Variants in FOXP1 observed in about 807,000 individuals in gnomAD.
FOXP1 encodes forkhead box P1.
In FOXP1, 15 loss-of-function variants were observed where a neutral mutation model predicts 98.2. That is an observed-to-expected ratio of 0.15 (90% confidence interval 0.10 to 0.24). FOXP1 has a LOEUF of 0.24. FOXP1 is among the 10% of genes least tolerant of loss of function. The probability of loss-of-function intolerance (pLI) is 1.00; values close to 1 mark genes in which losing one functional copy is unlikely to be tolerated. For synonymous variants in FOXP1, 371 were observed against 314.5 expected (o/e 1.18, Z -1.90); for missense variants, 633 against 848.5 (o/e 0.75, Z 3.15).
intron 5 of FOXP1, among the ~76,000 whole-genome samples, chr3:71,255,662 A>G (rs1357933861): frequency 2.0e-5 from 3 of 152,164 alleles, no homozygotes; most frequent in Non-Finnish European, 2.9e-5. Context: ...AACTAATTTG[A>G]CTTGTAAGTC....
At chr3:71,212,032 G>A (rs4677597) in intron 5 of FOXP1, among the ~76,000 whole-genome samples, 48,555 of 152,018 alleles carry the variant, frequency 0.32, 8,908 homozygotes, top group Non-Finnish European at 0.4. Flanking sequence ...AGAACCTGCT[G>A]TTTCTCAGAG....
intron 5 of FOXP1, among the ~76,000 whole-genome samples, chr3:71,219,083 T>G (rs1380830686): frequency 6.6e-6 from 1 of 152,188 alleles, no homozygotes; most frequent in African/African-American, 2.4e-5. Context: ...CTAATAATCT[T>G]CCTTCTCTTT....
chr3:71,270,122 A>G (rs964418316), intron 5 of FOXP1, among the ~76,000 whole-genome samples: 14 of 152,198 alleles, frequency 9.2e-5, no homozygotes, highest in Non-Finnish European at 1.3e-4. Flanking sequence ...TGGCAGAAGC[A>G]TTTAACTTCC....
intron 3 of FOXP1, among the ~76,000 whole-genome samples, chr3:71,421,503 G>A (rs1402153378): frequency 2.0e-5 from 3 of 152,078 alleles, no homozygotes; most frequent in African/African-American, 7.2e-5. Context: ...TATATAATTT[G>A]ACATTTTTTT....
chr3:71,581,524 C>T (rs2048170215), intron 2 of FOXP1, 25 bp downstream of exon 2: 2 of 985,448 alleles, frequency 2.0e-6, no homozygotes, highest in South Asian at 4.7e-5. Flanking sequence ...CCCTGGACCC[C>T]GCGCCCGCGG....
At chr3:71,225,974 T>C (rs1393116523) in intron 5 of FOXP1, among the ~76,000 whole-genome samples, 1 of 152,168 alleles carries the variant, frequency 6.6e-6, no homozygotes, top group East Asian at 1.9e-4. Context: ...CAAAAAAAAC[T>C]TTCACTTTCT....
chr3:71,031,837 T>C (rs1286525964), intron 11 of FOXP1, among the ~76,000 whole-genome samples: 2 of 152,240 alleles, frequency 1.3e-5, no homozygotes, highest in African/African-American at 4.8e-5. Flanking sequence ...GGAGTCCTTA[T>C]GTTAACACAC....
intron 3 of FOXP1, among the ~76,000 whole-genome samples, chr3:71,397,073 T>TATATATATGTGTATATATATATAC (rs1553871629): frequency 2.3e-5 from 1 of 42,724 alleles, no homozygotes; most frequent in African/African-American, 9.1e-5. Flanking sequence ...TATATATATA[T>TATATATATGTGTATATATATATAC]ACATATATAT....
intron 3 of FOXP1, among the ~76,000 whole-genome samples, chr3:71,491,614 T>C (rs2091066148): frequency 6.6e-6 from 1 of 150,808 alleles, no homozygotes; most frequent in Admixed American, 6.6e-5. Context: ...GGAGGCTGGA[T>C]TTTTTTTTTC....
At position 71,433,620 on chromosome 3, in the gene FOXP1, CAG is replaced by C. The variant is rs2084935141; in HGVS notation, c.-168+59804_-168+59805del. ...ATTAAAAACGTGCATGCTATACAAACAGAATATAAAACAGGTTCACGGGGGCT... is the reference window on the plus strand; with the variant it reads ...ATTAAAAACGTGCATGCTATACAAACAATATAAAACAGGTTCACGGGGGCT... On this transcript the variant is annotated intron_variant, in intron 3 of 20. Transcript: ENST00000649528. 2.6e-5 allele frequency among the ~76,000 whole-genome samples: 4 copies of C among 152,264 alleles called. No homozygotes were observed. The South Asian group carries it at 6.2e-4, about 24-fold the overall frequency.
intron 2 of FOXP1, among the ~76,000 whole-genome samples, chr3:71,574,654 T>A (rs2047590527): frequency 6.6e-6 from 1 of 152,118 alleles, no homozygotes; most frequent in African/African-American, 2.4e-5. Context: ...AGCAAACAGT[T>A]ACAATTTTAA....
intron 3 of FOXP1, among the ~76,000 whole-genome samples, chr3:71,406,634 G>A (rs552624092): frequency 4.0e-5 from 6 of 151,554 alleles, no homozygotes; most frequent in Non-Finnish European, 8.8e-5. Context: ...CCTTCTCAAG[G>A]GGGCAGGTGA....
chr3:71,509,716 C>A (rs1459427031), intron 2 of FOXP1, among the ~76,000 whole-genome samples: 1 of 151,900 alleles, frequency 6.6e-6, no homozygotes, highest in Non-Finnish European at 1.5e-5. Context: ...GCCTCTGTCT[C>A]TACAAAAAAT....
intron 5 of FOXP1, among the ~76,000 whole-genome samples, chr3:71,252,020 G>GTGA (rs2068230304): frequency 6.6e-6 from 1 of 152,198 alleles, no homozygotes; most frequent in African/African-American, 2.4e-5. Context: ...GTTAGGGATG[G>GTGA]TGATCTAATT....
chr3:71,471,954 G>A (rs1026975169), intron 3 of FOXP1, among the ~76,000 whole-genome samples: 1 of 152,266 alleles, frequency 6.6e-6, no homozygotes, highest in Middle Eastern at 3.4e-3. Flanking sequence ...CAGCCCTACT[G>A]GGAGAGGTTC....
At chr3:71,233,462 T>C (rs572687192) in intron 5 of FOXP1, among the ~76,000 whole-genome samples, 47 of 152,164 alleles carry the variant, frequency 3.1e-4, no homozygotes, top group African/African-American at 1.1e-3. Context: ...GTTTCACTCT[T>C]GTCACCCAGG....
At chr3:71,485,543 C>T (rs1330614164) in intron 3 of FOXP1, among the ~76,000 whole-genome samples, 1 of 152,116 alleles carries the variant, frequency 6.6e-6, no homozygotes, top group Non-Finnish European at 1.5e-5. Flanking sequence ...CCAAGGCGGG[C>T]AGATCACCTG....
intron 5 of FOXP1, among the ~76,000 whole-genome samples, chr3:71,264,392 G>A (rs1031253366): frequency 2.6e-5 from 4 of 152,104 alleles, no homozygotes; most frequent in Non-Finnish European, 5.9e-5. Context: ...ATGGTAAACC[G>A]CCAGCAAATA....
chr3:71,143,273 T>G (rs2060156112), intron 6 of FOXP1, among the ~76,000 whole-genome samples: 1 of 152,230 alleles, frequency 6.6e-6, no homozygotes. Flanking sequence ...GGAATTGTCC[T>G]TGGCTAGAAA....
Sources: gnomAD v4.1 joint callset for allele counts (sites outside exome capture counted in the v4.1 genomes callset) on GRCh38, gnomAD v4.1.1 for gene constraint, MANE v1.5 for transcripts, NCBI Gene and HGNC (gene_info 2026-07-23, HGNC 2026-07-21) for gene names.